Variants in CPLANE1 observed in about 807,000 individuals in gnomAD.
The protein encoded by CPLANE1 is ciliogenesis and planar polarity effector complex subunit 1.
A neutral mutation model predicts 362.5 loss-of-function variants in CPLANE1; 263 were observed. The observed-to-expected ratio is 0.73, with a 90% confidence interval of 0.66 to 0.80. The LOEUF (loss-of-function observed/expected upper bound fraction) is 0.80, where lower values mean the gene tolerates loss of function less well. CPLANE1 is among the 30% of genes least tolerant of loss of function. The pLI is 0.00. For missense variants in CPLANE1, 3,461 were observed against 3,793.4 expected (o/e 0.91, Z 2.30); for synonymous variants, 1,212 against 1,302.6 (o/e 0.93, Z 1.50).
At chr5:37,210,777 C>A in intron 16 of CPLANE1, 1 of 1,338,108 alleles carries the variant, frequency 7.5e-7, no homozygotes, top group South Asian at 1.2e-5. Context: ...CCTAAACCGC[C>A]TAGCTCAGCT....
chr5:37,179,976 A>G, intron 28 of CPLANE1, 41 bp downstream of exon 28: 1 of 1,426,602 alleles, frequency 7.0e-7, no homozygotes, highest in Non-Finnish European at 9.4e-7. Flanking sequence ...CCAATTTCAA[A>G]TTAATAAAGC....
intron 18 of CPLANE1, among the ~76,000 whole-genome samples, chr5:37,203,176 A>C (rs771627945): frequency 6.6e-6 from 1 of 152,204 alleles, no homozygotes; most frequent in Non-Finnish European, 1.5e-5. Flanking sequence ...TCCAAAAGTT[A>C]TACTTCTTTG....
At chr5:37,195,494 A>G (rs1019042323) in intron 21 of CPLANE1, among the ~76,000 whole-genome samples, 3 of 151,650 alleles carry the variant, frequency 2.0e-5, no homozygotes, top group African/African-American at 7.3e-5. Flanking sequence ...CCAGCTACTC[A>G]GGAGGCTGAG....
At chr5:37,187,597 A>G in intron 22 of CPLANE1, 25 bp from the exon 23 acceptor site, 10 of 1,593,200 alleles carry the variant, frequency 6.3e-6, no homozygotes, top group Non-Finnish European at 7.7e-6. Flanking sequence ...AAAAACATTC[A>G]TTTCCTTTTT....
At chr5:37,081,317 T>C in the CPLANE1 span, among the ~76,000 whole-genome samples, 2 of 152,150 alleles carry the variant, frequency 1.3e-5, no homozygotes, top group Non-Finnish European at 2.9e-5. Context: ...GGAAAATGTA[T>C]GGTTCTGTTT....
At position 37,148,277 on chromosome 5, in the gene CPLANE1, A is replaced by C. The variant is rs747582433; in HGVS notation, c.8374-9T>G. On this transcript the variant is annotated splice_polypyrimidine_tract_variant and intron_variant, in intron 42 of 52. Transcript: ENST00000651892. ...TGATCCACTGGTCCAATCTGTAGAAAAAACACACACAACAAAACAACAGTA... is the reference window on the plus strand; with the variant it reads ...TGATCCACTGGTCCAATCTGTAGAACAAACACACACAACAAAACAACAGTA... 1.3e-6 allele frequency: 2 copies of C among 1,583,076 alleles called. No individual in the cohort carries two copies. Among genetic ancestry groups the C allele is most frequent in the Non-Finnish European group, 1.7e-6 (2 of 1,155,670 alleles).
At chr5:37,119,372 T>C (rs915557829) in intron 50 of CPLANE1, among the ~76,000 whole-genome samples, 1 of 152,132 alleles carries the variant, frequency 6.6e-6, no homozygotes, top group African/African-American at 2.4e-5. Flanking sequence ...TTCAATGTTA[T>C]TAAAAAAAAG....
chr5:37,216,975 G>GTTAA (rs978778378), intron 15 of CPLANE1, among the ~76,000 whole-genome samples: 1 of 152,000 alleles, frequency 6.6e-6, no homozygotes, highest in Non-Finnish European at 1.5e-5. Flanking sequence ...AGAAAATAAT[G>GTTAA]TTAATTAATG....
chr5:37,085,351 A>T, the CPLANE1 span: 12 of 1,343,950 alleles, frequency 8.9e-6, no homozygotes, highest in African/African-American at 5.8e-5. Flanking sequence ...GATAATTTCC[A>T]TCTGATCTAT....
chr5:37,187,801 C>T lies in CPLANE1; in HGVS notation c.3853G>A (p.Val1285Ile), dbSNP rs750886653. The stretch of plus-strand genomic sequence containing the variant: ...CAACTATAGGATAACTTATCACGGA[C>T]ATGCAGCATCCAACACAGAGCACAA... The part of the protein sequence containing the change: ...ELCALCWMLH[V>I]RDKLSYSCRQ... The change falls in exon 22 of 53, where the codon GTC (valine) becomes ATC (isoleucine). Residue 1285 changes from valine (V) to isoleucine (I), a missense_variant. Physicochemically the swap from Val to Ile is conservative, Grantham distance 29. This residue lies in a region of CPLANE1 where 3,380 missense variants were observed against 3,666.1 expected (regional missense o/e 0.92). Coordinates refer to ENST00000651892, the MANE Select transcript of CPLANE1 (RefSeq NM_001384732.1). 3 of 1,613,820 alleles carry T rather than the reference C, an allele frequency of 1.9e-6. No individual in the cohort carries two copies. In the African/African-American group the frequency reaches 4.0e-5, roughly 22 times the overall value.
chr5:37,193,914 C>G (rs182565709), intron 21 of CPLANE1, among the ~76,000 whole-genome samples: 2 of 147,324 alleles, frequency 1.4e-5, no homozygotes, highest in African/African-American at 5.0e-5. Flanking sequence ...CAGAAAGGAA[C>G]TTTTTTTTTC....
the CPLANE1 span, among the ~76,000 whole-genome samples, chr5:37,097,089 C>G: frequency 6.6e-6 from 1 of 152,044 alleles, no homozygotes; most frequent in Non-Finnish European, 1.5e-5. Context: ...TGGCTCATGC[C>G]TATAATCTCA....
chr5:37,095,243 G>C, the CPLANE1 span, among the ~76,000 whole-genome samples: 2 of 152,180 alleles, frequency 1.3e-5, no homozygotes, highest in African/African-American at 2.4e-5. Flanking sequence ...CCTTGATCAA[G>C]TGGGTTTCAT....
Position 37,244,597 on chromosome 5 carries a change from C to CA in CPLANE1, c.347dup (p.Leu116PhefsTer38). 2 of 1,530,534 alleles carry CA rather than the reference C, an allele frequency of 1.3e-6. No homozygotes were observed. The highest frequency in any genetic ancestry group is 1.8e-6 in the Non-Finnish European group (2 of 1,138,642). The allele number at this position is 1,530,534 out of a possible 1,614,324, so 94.8% of individuals were successfully genotyped here. A position where few individuals can be genotyped will look rare whatever the true frequency, so the allele number is the denominator to read the frequency against. On this transcript the variant is annotated frameshift_variant, in exon 5 of 53. Transcript: ENST00000651892. ...TTCCAGATACATACAAGTACAGTCTCAAAGAGCTTGCTAAAAAAGTAACAA... is the reference window on the plus strand; with the variant it reads ...TTCCAGATACATACAAGTACAGTCTCAAAAGAGCTTGCTAAAAAAGTAACAA...
intron 19 of CPLANE1, among the ~76,000 whole-genome samples, chr5:37,201,231 A>T (rs1309908435): frequency 6.6e-6 from 1 of 152,122 alleles, no homozygotes; most frequent in Admixed American, 6.5e-5. Context: ...AAAATGCCTA[A>T]TTTTTAAAAG....
rs550418831 is a variant in CPLANE1 at position 37,137,691 on chromosome 5, G to T, written c.8792+1029C>A. Among the ~76,000 whole-genome samples, 5 of 152,284 alleles carry T rather than the reference G, an allele frequency of 3.3e-5. No homozygotes were observed. In the South Asian group the frequency reaches 1.0e-3, roughly 32 times the overall value. ...AACATGTCCTTCTTCACATAATGGC[G>T]GGAAGGAGAAGAATGAGTGCCCACT... On this transcript the variant is annotated intron_variant, in intron 46 of 52. Coordinates refer to ENST00000651892, the MANE Select transcript of CPLANE1 (RefSeq NM_001384732.1).
intron 32 of CPLANE1, among the ~76,000 whole-genome samples, chr5:37,171,582 A>G (rs1779793575): frequency 6.6e-6 from 1 of 152,230 alleles, no homozygotes. Context: ...ACAAACCAAT[A>G]GGGAAATAGT....
rs935388093 is a variant in CPLANE1 at position 37,226,765 on chromosome 5, T to C, written c.1830A>G (p.Gln610=). 6 of 1,542,534 alleles carry C rather than the reference T, an allele frequency of 3.9e-6. No individual in the cohort carries two copies. The African/African-American group carries it at 4.1e-5, about 11-fold the overall frequency. The change falls in exon 12 of 53, where the codon CAA becomes CAG. Residue 610 remains glutamine (Q), a synonymous_variant. Coordinates refer to ENST00000651892, the MANE Select transcript of CPLANE1 (RefSeq NM_001384732.1). ...VCITHFFYIL[Q]FIKCPFPKLD... ...GTTTAGGAAAAGGACATTTTATAAA[T>C]TGAAGAATGTAAAAAAAATGAGTGA...
chr5:37,200,493 A>G (rs1327458050), intron 19 of CPLANE1, among the ~76,000 whole-genome samples: 2 of 152,244 alleles, frequency 1.3e-5, no homozygotes, highest in African/African-American at 2.4e-5. Flanking sequence ...AAAATCAACA[A>G]GTAAAATGTT....
Sources: allele counts gnomAD v4.1 joint callset (sites outside exome capture counted in the v4.1 genomes callset), GRCh38; gene constraint gnomAD v4.1.1; regional missense constraint gnomAD v4.1.1; transcripts MANE v1.5; gene names NCBI Gene and HGNC (gene_info 2026-07-23, HGNC 2026-07-21).